Variants in AXIN2 observed in about 807,000 individuals in gnomAD.
AXIN2 encodes the protein axin-2.
Under a neutral mutation model 74.7 loss-of-function variants are expected in AXIN2, and 21 were observed. The ratio of observed to expected loss-of-function variants is 0.28; its 90% CI spans 0.20 to 0.40. AXIN2 has a LOEUF of 0.40. AXIN2 is among the 10% of genes least tolerant of loss of function. The pLI, the probability that AXIN2 is intolerant of heterozygous loss-of-function variation, is 1.00. For synonymous variants in AXIN2, 532 were observed against 454.9 expected (o/e 1.17, Z -2.16); for missense variants, 1,144 against 1,111.1 (o/e 1.03, Z -0.42).
chr17:65,544,589 C>CCT (rs1446570976), intron 3 of AXIN2, among the ~76,000 whole-genome samples: 5 of 152,284 alleles, frequency 3.3e-5, no homozygotes, highest in African/African-American at 1.2e-4. Context: ...CAAAAGGGGG[C>CCT]CTCTCTTCTT....
chr17:65,532,849 T>C lies in AXIN2; in HGVS notation c.2405+1063A>G, dbSNP rs533759258. Among the ~76,000 whole-genome samples, 129 of 152,176 alleles carry C rather than the reference T, an allele frequency of 8.5e-4. 3 individuals carry two copies. In the South Asian group the frequency reaches 0.025, roughly 29 times the overall value. ...GGGACAACAGCACACAGCTGAGGAG[T>C]TGGAACTCTGTCTTGGGTGTAGACC... On this transcript the variant is annotated intron_variant, in intron 10 of 10. Coordinates refer to ENST00000307078, the MANE Select transcript of AXIN2 (RefSeq NM_004655.4).
intron 2 of AXIN2, among the ~76,000 whole-genome samples, chr17:65,553,824 T>C (rs2044226696): frequency 7.4e-6 from 1 of 134,266 alleles, no homozygotes; most frequent in Admixed American, 7.6e-5. Context: ...GGCTGTTTTC[T>C]TGTGATTACT....
chr17:65,547,183 G>A lies in AXIN2; in HGVS notation c.956+2337C>T, dbSNP rs910144501. The stretch of plus-strand genomic sequence containing the variant: ...AGAGGAAGTAAATGGGGAGGCTGCA[G>A]GGGAGAACTTAGAACCTGCTCCCTT... On this transcript the variant is annotated intron_variant, in intron 3 of 10. Coordinates refer to ENST00000307078, the MANE Select transcript of AXIN2 (RefSeq NM_004655.4). 3.9e-5 allele frequency among the ~76,000 whole-genome samples: 6 copies of A among 152,196 alleles called. No homozygotes were observed. In the East Asian group the frequency reaches 1.2e-3, roughly 29 times the overall value.
rs2044308525 is a variant in AXIN2, at chr17:65,558,457, G to C, written c.164C>G (p.Thr55Ser). The change falls in exon 2 of 11, where the codon ACC becomes AGC. Residue 55 changes from threonine (T) to serine (S), a missense_variant. Thr to Ser is a moderately conservative substitution (Grantham distance 58). Around this residue, in one of 4 missense-constraint regions of AXIN2, gnomAD observed 1,053 missense variants for 973.5 expected, o/e 1.08. Coordinates refer to ENST00000307078, the MANE Select transcript of AXIN2 (RefSeq NM_004655.4). ...VTKPMPVSSN[T>S]RRNEDGLGEP... ...CCCCAACCCATCTTCGTTCCGCCTG[G>C]TGTTGGAAGAGACAGGCATGGGTTT... is the stretch of plus-strand genomic sequence containing the variant. 1 of 1,603,066 alleles carries C rather than the reference G, an allele frequency of 6.2e-7. No individual in the cohort carries two copies. Among genetic ancestry groups the C allele is most frequent in the Non-Finnish European group, 8.5e-7 (1 of 1,173,038 alleles).
chr17:65,536,216 T>G, intron 8 of AXIN2, 104 bp downstream of exon 8: 1 of 1,207,522 alleles, frequency 8.3e-7, no homozygotes. Context: ...CATGGGAGGG[T>G]TTGAGACCCA....
At chr17:65,542,062 C>T (rs557151972) in intron 3 of AXIN2, among the ~76,000 whole-genome samples, 8 of 152,324 alleles carry the variant, frequency 5.3e-5, no homozygotes, top group Middle Eastern at 3.4e-3. Context: ...GCATGCATAA[C>T]TCTCCAAGTC....
chr17:65,537,295 C>A, intron 6 of AXIN2, 29 bp downstream of exon 6: 2 of 1,613,308 alleles, frequency 1.2e-6, no homozygotes, highest in East Asian at 2.2e-5. Context: ...AAGCCCCACA[C>A]GGGACACTGC....
chr17:65,557,285 T>C (rs369218747), intron 2 of AXIN2, among the ~76,000 whole-genome samples: 1 of 152,132 alleles, frequency 6.6e-6, no homozygotes, highest in African/African-American at 2.4e-5. Flanking sequence ...AACCACAAGC[T>C]CAGTTAAGCC....
In AXIN2 at chr17:65,529,410, TGTCTAAAACA is replaced by T. The variant is rs1490632996; in HGVS notation, c.*556_*565del. 6.2e-5 allele frequency: 15 copies of T among 241,308 alleles called. No homozygotes were observed. In the Admixed American group the frequency reaches 7.1e-4, roughly 11 times the overall value. The allele number at this position is 241,308 out of a possible 1,614,324, so 14.9% of individuals were successfully genotyped here. ...TGGTAGGGCACCATTTTAAAAAGTC[TGTCTAAAACA>T]GTCTGTCTTCACTTGGAGGGACGTA... On this transcript the variant is annotated 3_prime_UTR_variant, in exon 11 of 11. Transcript: ENST00000307078.
intron 2 of AXIN2, among the ~76,000 whole-genome samples, chr17:65,555,319 A>G (rs1473371983): frequency 6.6e-6 from 1 of 152,168 alleles, no homozygotes; most frequent in African/African-American, 2.4e-5. Flanking sequence ...TACTCTGCAG[A>G]ATGAGTGAGT....
In AXIN2 at chr17:65,536,810, T is replaced by C. The variant is rs2043928928; in HGVS notation, c.1907+59A>G. The C allele has an allele frequency of 2.5e-6, 4 of 1,605,980 alleles. No homozygotes were observed. The South Asian group carries it at 3.3e-5, about 13-fold the overall frequency. On this transcript the variant is annotated intron_variant, in intron 7 of 10. Transcript: ENST00000307078. ...ACTGCAAAAACAGCCATTCCCACAATACCTCCGTACTGAGTGCCCATGACC... is the reference window on the plus strand; with the variant it reads ...ACTGCAAAAACAGCCATTCCCACAACACCTCCGTACTGAGTGCCCATGACC...
intron 3 of AXIN2, among the ~76,000 whole-genome samples, chr17:65,542,524 T>C (rs2044058522): frequency 1.3e-5 from 2 of 152,348 alleles, no homozygotes; most frequent in East Asian, 1.9e-4. Context: ...CAAGTCCTCA[T>C]TGAGAAAGGG....
intron 10 of AXIN2, among the ~76,000 whole-genome samples, chr17:65,531,539 ACCCTCCGTCAGAC>A (rs2043817724): frequency 6.6e-6 from 1 of 151,708 alleles, no homozygotes; most frequent in South Asian, 2.1e-4. Context: ...TCCCAACGCC[ACCCTCCGTCAGAC>A]CCCTTTGGCC....
intron 9 of AXIN2, among the ~76,000 whole-genome samples, chr17:65,534,613 G>C (rs1339449227): frequency 6.6e-6 from 1 of 152,194 alleles, no homozygotes; most frequent in Non-Finnish European, 1.5e-5. Context: ...TTTCTTCTGA[G>C]ATTTTGTAGA....
intron 10 of AXIN2, among the ~76,000 whole-genome samples, chr17:65,531,018 CTG>C (rs760164157): frequency 1.6e-4 from 24 of 152,330 alleles, no homozygotes; most frequent in Non-Finnish European, 2.6e-4. Context: ...TCTTCCTTCC[CTG>C]TCCCCAGCCA....
rs777282977 is a variant in AXIN2, at chr17:65,558,265, T to G, written c.356A>C (p.Gln119Pro). Residue 119 changes from glutamine to proline, a missense_variant, in exon 2 of 11, where the codon CAG (glutamine) becomes CCG (proline). Gln to Pro is a moderately conservative substitution (Grantham distance 76). Coordinates refer to ENST00000307078, the MANE Select transcript of AXIN2 (RefSeq NM_004655.4). ...AGTTTTGGTATCCTTCAGGTTCATC[T>G]GCCTGAATCCATTGCAGGCAAACCA... ...DFWFACNGFRQMNLKDTKTLR... is the reference protein window; with the variant it reads ...DFWFACNGFRPMNLKDTKTLR... 6.2e-7 allele frequency: 1 copy of G among 1,614,228 alleles called. No individual in the cohort carries two copies. Among genetic ancestry groups the G allele is most frequent in the South Asian group, 1.1e-5 (1 of 91,086 alleles).
chr17:65,537,143 G>C (rs904179153), intron 6 of AXIN2, 80 bp from the exon 7 acceptor site: 1 of 1,562,006 alleles, frequency 6.4e-7, no homozygotes, highest in Non-Finnish European at 8.7e-7. Flanking sequence ...AATTCAGCAA[G>C]TCGGGGGGCT....
chr17:65,533,844 GCTCCAGGCTCTGGCTCTTGGTT>G, intron 10 of AXIN2, 46 bp downstream of exon 10: 1 of 1,441,990 alleles, frequency 6.9e-7, no homozygotes, highest in Non-Finnish European at 9.5e-7. Context: ...CAGGGGAGCT[GCTCCAGGCTCTGGCTCTTGGTT>G]CTGAGCAAAC....
chr17:65,544,800 A>T (rs898393339), intron 3 of AXIN2, among the ~76,000 whole-genome samples: 1 of 152,172 alleles, frequency 6.6e-6, no homozygotes, highest in African/African-American at 2.4e-5. Flanking sequence ...AGCCGAGCCA[A>T]TTAGCTTAGC....
Sources: gnomAD v4.1 joint callset for allele counts (sites outside exome capture counted in the v4.1 genomes callset) on GRCh38, gnomAD v4.1.1 for gene constraint, gnomAD v4.1.1 regional missense constraint, MANE v1.5 for transcripts, NCBI Gene and HGNC (gene_info 2026-07-23, HGNC 2026-07-21) for gene names.